PLD4: variants seen among roughly 807,000 people sequenced by gnomAD.
PLD4 encodes 5'-3' exonuclease PLD4.
A neutral mutation model predicts 52.3 loss-of-function variants in PLD4; 54 were observed. That is an observed-to-expected ratio of 1.03 (90% CI 0.83 to 1.30). The LOEUF (loss-of-function observed/expected upper bound fraction) is 1.30, where lower values mean the gene tolerates loss of function less well. Ranked by LOEUF, PLD4 falls within the 50% of genes most tolerant of loss-of-function variation. The pLI, the probability that PLD4 is intolerant of heterozygous loss-of-function variation, is 0.00. For synonymous variants in PLD4, 264 were observed against 286.5 expected, an observed-to-expected ratio of 0.92 and a Z score of 0.79; for missense variants, 731 against 671.1, an observed-to-expected ratio of 1.09 and a Z score of -0.99.
chr14:104,928,670 C>T, intron 3 of PLD4, 79 bp from the exon 4 acceptor site: 1 of 1,406,596 alleles, frequency 7.1e-7, no homozygotes, highest in East Asian at 2.3e-5. Context: ...TCTGGCTTGG[C>T]AGTGGGATGG....
chr14:104,937,752 A>G (rs1312215792), downstream of PLD4: 2 of 320,746 alleles, frequency 6.2e-6, no homozygotes, highest in African/African-American at 4.2e-5. Flanking sequence ...AGGTCTCTGG[A>G]AATTTATCTA....
Position 104,929,230 on chromosome 14 carries a change from G to A in PLD4, c.469-77G>A, listed in dbSNP as rs1392099205. 1.9e-5 allele frequency: 29 copies of A among 1,546,700 alleles called. 1 individual carries two copies. In the South Asian group the frequency reaches 2.3e-4, roughly 12 times the overall value. On this transcript the variant is annotated intron_variant, in intron 4 of 10. Coordinates refer to ENST00000392593, the MANE Select transcript of PLD4 (RefSeq NM_138790.5). ...GGCAGTCATAGGTGGGCCTCCTGAG[G>A]AGGACATGGGTCCTAGTGGGGATGC...
chr14:104,929,291 T>A lies in PLD4; in HGVS notation c.469-16T>A. ...GCAGCCTGAGGTCAGCTCTCATGGCTGGCCTGGCCTTGCAGGGAGAGGCTC... is the reference window on the plus strand; with the variant it reads ...GCAGCCTGAGGTCAGCTCTCATGGCAGGCCTGGCCTTGCAGGGAGAGGCTC... On this transcript the variant is annotated splice_polypyrimidine_tract_variant and intron_variant, in intron 4 of 10. Transcript: ENST00000392593. 1.3e-6 allele frequency: 2 copies of A among 1,584,118 alleles called. No homozygotes were observed. Among genetic ancestry groups the A allele is most frequent in the Non-Finnish European group, 1.7e-6 (2 of 1,165,524 alleles).
Position 104,931,768 on chromosome 14 carries a change from TC to T in PLD4, c.943del (p.Gln315ArgfsTer13), listed in dbSNP as rs753514669. 6.3e-7 allele frequency: 1 copy of T among 1,587,928 alleles called. No individual in the cohort carries two copies. The highest frequency in any genetic ancestry group is 8.6e-7 in the Non-Finnish European group (1 of 1,168,546). ...CACAGGCGTCGCCACCAGCACTCTG[TC>T]CCCAGGGCCGCACCCGGGACCTGGA... is the stretch of plus-strand genomic sequence containing the variant. ...YFSASPPALC[P>X]QGRTRDLEAL... On this transcript the variant is annotated frameshift_variant, in exon 8 of 11. Coordinates refer to ENST00000392593, the MANE Select transcript of PLD4 (RefSeq NM_138790.5). LOFTEE classifies it high-confidence loss of function.
chr14:104,931,182 T>G (rs1897632323), intron 7 of PLD4, among the ~76,000 whole-genome samples: 1 of 152,152 alleles, frequency 6.6e-6, no homozygotes, highest in African/African-American at 2.4e-5. Context: ...GTCAGCACCA[T>G]CCCTGGGAAA....
rs1461618598 is a variant in PLD4 at position 104,928,654 on chromosome 14, G to A, written c.285-95G>A. On this transcript the variant is annotated intron_variant, in intron 3 of 10. Transcript: ENST00000392593. ...TCATCCCGGGGGCCACCTGAGCAAC[G>A]GTTGCTCTGGCTTGGCAGTGGGATG... 2.3e-6 allele frequency: 3 copies of A among 1,321,780 alleles called. No homozygotes were observed. In the South Asian group the frequency reaches 4.6e-5, roughly 20 times the overall value. 81.9% of individuals were successfully genotyped at this position (1,321,780 alleles called of 1,614,324 possible).
In PLD4 at chr14:104,927,202, G is replaced by A. The variant is rs538498962; in HGVS notation, c.62G>A (p.Arg21His). 29 of 1,557,744 alleles carry A rather than the reference G, an allele frequency of 1.9e-5. No homozygotes were observed. Among genetic ancestry groups the A allele is most frequent in the Admixed American group, 9.6e-5 (5 of 51,942 alleles). The change falls in exon 2 of 11, where the codon CGC (arginine) becomes CAC (histidine). Residue 21 changes from arginine (R) to histidine (H), a missense_variant. Physicochemically the swap from Arg to His is conservative, Grantham distance 29. Transcript: ENST00000392593. ...ACATGGCCATGCTCCATGCCGCCCC[G>A]CCGCCCGTGGGACAGAGAGGCTGGC... ...APTWPCSMPP[R>H]RPWDREAGTL... is the part of the protein sequence containing the mutation.
At chr14:104,929,582 C>T (rs1376819792) in intron 5 of PLD4, among the ~76,000 whole-genome samples, 155 bp downstream of exon 5, 1 of 152,178 alleles carries the variant, frequency 6.6e-6, no homozygotes, top group African/African-American at 2.4e-5. Context: ...GCTCTGAGGT[C>T]CTTTGAGTCA....
intron 3 of PLD4, 62 bp from the exon 4 acceptor site, chr14:104,928,687 T>A: frequency 6.8e-7 from 1 of 1,465,272 alleles, no homozygotes; most frequent in Non-Finnish European, 9.2e-7. Flanking sequence ...ATGGGGCAGG[T>A]GATGTGAGGT....
intron 4 of PLD4, 121 bp downstream of exon 4, chr14:104,929,053 A>G: frequency 3.7e-6 from 5 of 1,343,804 alleles, no homozygotes; most frequent in Admixed American, 2.6e-5. Flanking sequence ...AGGGTCTAGC[A>G]TGGAACAGGG....
At chr14:104,928,048 C>G (rs148430441) in intron 3 of PLD4, among the ~76,000 whole-genome samples, 182 bp downstream of exon 3, 1 of 152,008 alleles carries the variant, frequency 6.6e-6, no homozygotes, top group Non-Finnish European at 1.5e-5. Context: ...ACGGGGCAGG[C>G]GTGTGGTGCT....
At chr14:104,936,794 C>T (rs2140810411), downstream of PLD4, 1 of 152,336 alleles carries the variant, frequency 6.6e-6, no homozygotes, top group African/African-American at 2.4e-5. Context: ...CTGGCAGGGG[C>T]ATCTGGGAAG....
At position 104,932,854 on chromosome 14, in the gene PLD4, G is replaced by C; in HGVS notation, c.1411G>C (p.Ala471Pro). Reference protein sequence around the residue: ...TQSPGAQPAGATVQEQLRQLF... With the variant: ...TQSPGAQPAGPTVQEQLRQLF... ...GAGCCCTGGCGCGCAGCCCGCGGGG[G>C]CCACGGTGCAGGAGCAGCTGCGGCA... Residue 471 changes from alanine (A) to proline (P), a missense_variant, in exon 11 of 11, where the codon GCC (alanine) becomes CCC (proline). Physicochemically the swap from Ala to Pro is conservative, Grantham distance 27 (BLOSUM62 -1). Transcript: ENST00000392593. The surrounding 1 kb of genome is among the most constrained non-coding windows in gnomAD (Gnocchi z 6.5). The C allele has an allele frequency of 6.2e-7, 1 of 1,604,926 alleles. No homozygotes were observed. Among genetic ancestry groups the C allele is most frequent in the Non-Finnish European group, 8.5e-7 (1 of 1,176,440 alleles).
In PLD4 at chr14:104,931,899, T is replaced by C. The variant is rs773536737; in HGVS notation, c.1058+12T>C. The stretch of plus-strand genomic sequence containing the variant: ...AGCCACCCCCCGAGGTAGGTCTGAG[T>C]GGGAGGTGGGCGGCCTGCTCTGCTG... On this transcript the variant is annotated intron_variant, in intron 8 of 10. Transcript: ENST00000392593. 26 of 1,533,188 alleles carry C rather than the reference T, an allele frequency of 1.7e-5. No individual in the cohort carries two copies. Among genetic ancestry groups the C allele is most frequent in the Non-Finnish European group, 2.3e-5 (26 of 1,137,256 alleles). 95.0% of individuals were successfully genotyped at this position (1,533,188 alleles called of 1,614,324 possible). A position where few individuals can be genotyped will look rare whatever the true frequency, so the allele number is the denominator to read the frequency against.
Position 104,930,892 on chromosome 14 carries a change from C to A in PLD4, c.868C>A (p.Gln290Lys), listed in dbSNP as rs1194956018. The change falls in exon 7 of 11, where the codon CAG (glutamine) becomes AAG (lysine). Residue 290 changes from glutamine (Q) to lysine (K), a missense_variant. Physicochemically the swap from Gln to Lys is moderately conservative, Grantham distance 53 (BLOSUM62 1). Transcript: ENST00000392593. Reference sequence around the variant, plus strand: ...CTTCTCATCTCACTTCAACCGTTTCCAGCCCTTCCACGGCCTCTTTGATGG... The same window carrying A: ...CTTCTCATCTCACTTCAACCGTTTCAAGCCCTTCCACGGCCTCTTTGATGG... The part of the protein sequence containing the change: ...QNFSSHFNRF[Q>K]PFHGLFDGVP... 1 of 1,613,438 alleles carries A rather than the reference C, an allele frequency of 6.2e-7. No homozygotes were observed. Among genetic ancestry groups the A allele is most frequent in the African/African-American group, 1.3e-5 (1 of 74,940 alleles).
Position 104,931,821 on chromosome 14 carries a change from C to A in PLD4, c.992C>A (p.Ala331Asp). The change falls in exon 8 of 11, where the codon GCC becomes GAC. Residue 331 changes from alanine (A) to aspartate (D), a missense_variant. Ala to Asp is a moderately radical substitution (Grantham distance 126). Transcript: ENST00000392593. ...GCGCTGCTGGCGGTGATGGGGAGCG[C>A]CCAGGAGTTCATCTATGCCTCCGTG... ...LEALLAVMGSAQEFIYASVME... is the reference protein window; with the variant it reads ...LEALLAVMGSDQEFIYASVME... The A allele has an allele frequency of 6.4e-7, 1 of 1,573,892 alleles. No individual in the cohort carries two copies.
At position 104,933,083 on chromosome 14, in the gene PLD4, G is replaced by A; in HGVS notation, c.*119G>A. ...CCGGGTCCGCACTGCGCCAGGAGCC[G>A]CCTGCGACCGCCCGGGCGTCGCAAA... On this transcript the variant is annotated 3_prime_UTR_variant, in exon 11 of 11. Transcript: ENST00000392593. The A allele has an allele frequency of 1.7e-6, 2 of 1,200,804 alleles. No homozygotes were observed. The highest frequency in any genetic ancestry group is 1.7e-5 in the South Asian group (1 of 58,066). 74.4% of individuals were successfully genotyped at this position (1,200,804 alleles called of 1,614,324 possible).
At chr14:104,937,419 G>A (rs1343811379), downstream of PLD4, 2 of 152,484 alleles carry the variant, frequency 1.3e-5, no homozygotes, top group Non-Finnish European at 2.9e-5. Flanking sequence ...ATGGATAGAT[G>A]AGAATGACAA....
Position 104,932,176 on chromosome 14 carries a change from T to C in PLD4, c.1223T>C (p.Val408Ala), listed in dbSNP as rs751939506. The C allele has an allele frequency of 9.9e-6, 16 of 1,611,218 alleles. No homozygotes were observed. The East Asian group carries it at 3.1e-4, about 31-fold the overall frequency. Residue 408 changes from valine to alanine, a missense_variant and splice_region_variant, in exon 9 of 11, where the codon GTG (valine) becomes GCG (alanine). Transcript: ENST00000392593. This position sits in a 1 kb window ranked among gnomAD's most constrained non-coding sequence, Gnocchi z 6.5. ...CCCGCGGCCAACGTCTCTGTGGACG[T>C]GGTGAGGGCGTGCTCCCGGCCGGGC... ...SNPAANVSVD[V>A]KVFIVPVGNH...
Sources: allele counts gnomAD v4.1 joint callset (sites outside exome capture counted in the v4.1 genomes callset), GRCh38; gene constraint gnomAD v4.1.1; non-coding constraint Gnocchi (gnomAD v3.1); transcripts MANE v1.5; gene names NCBI Gene and HGNC (gene_info 2026-07-23, HGNC 2026-07-21).